Variants in ZNF507 observed in about 807,000 individuals in gnomAD.
The protein encoded by ZNF507 is zinc finger protein 507.
In ZNF507, 29 loss-of-function variants were observed where a neutral mutation model predicts 80.0. The ratio of observed to expected loss-of-function variants is 0.36; its 90% confidence interval spans 0.27 to 0.49. ZNF507 has a LOEUF of 0.49. ZNF507 is among the 20% of genes least tolerant of loss of function. The probability of loss-of-function intolerance (pLI) is 0.98; values close to 1 mark genes in which losing one functional copy is unlikely to be tolerated. For missense variants in ZNF507, 1,081 were observed against 1,152.2 expected, an observed-to-expected ratio of 0.94 and a Z score of 0.90; for synonymous variants, 462 against 422.5, an observed-to-expected ratio of 1.09 and a Z score of -1.15.
chr19:32,353,619 G>A lies in ZNF507; in HGVS notation c.789G>A (p.Leu263=). Residue 263 remains leucine (L), a synonymous_variant, in exon 3 of 7, where the codon TTG becomes TTA. Coordinates refer to ENST00000355898, the MANE Select transcript of ZNF507 (RefSeq NM_001136156.2). Reference sequence around the variant, plus strand: ...ATACTTGTGGCCAGCAGAGAATGTTGAAAACACACGCTTGGAAACATGCTG... The same window carrying A: ...ATACTTGTGGCCAGCAGAGAATGTTAAAAACACACGCTTGGAAACATGCTG... ...CSYTCGQQRM[L]KTHAWKHAGE... 6.2e-7 allele frequency: 1 copy of A among 1,614,198 alleles called. No individual in the cohort carries two copies.
rs757485503 is a variant in ZNF507, at chr19:32,384,576, G to A, written c.*1493G>A. ...AACTTGGAACACTGTAAAGGTTTTCGAATGGGATACGCTGTAGGCACGTTT... is the reference window on the plus strand; with the variant it reads ...AACTTGGAACACTGTAAAGGTTTTCAAATGGGATACGCTGTAGGCACGTTT... On this transcript the variant is annotated 3_prime_UTR_variant, in exon 7 of 7. Coordinates refer to ENST00000355898, the MANE Select transcript of ZNF507 (RefSeq NM_001136156.2). 1 of 152,098 alleles carries A rather than the reference G, an allele frequency of 6.6e-6. No homozygotes were observed. Among genetic ancestry groups the A allele is most frequent in the African/African-American group, 2.4e-5 (1 of 41,394 alleles). The allele number at this position is 152,098 out of a possible 1,614,324, so 9.4% of individuals were successfully genotyped here. A position where few individuals can be genotyped will look rare whatever the true frequency, so the allele number is the denominator to read the frequency against.
intron 2 of ZNF507, 56 bp from the exon 3 acceptor site, chr19:32,352,773 A>C (rs964678300): frequency 9.6e-6 from 14 of 1,456,052 alleles, no homozygotes; most frequent in Non-Finnish European, 1.3e-5. Flanking sequence ...TCCAAATTAC[A>C]TGCCTGTAAT....
chr19:32,349,898 C>G (rs2145312273), intron 2 of ZNF507, among the ~76,000 whole-genome samples: 1 of 152,332 alleles, frequency 6.6e-6, no homozygotes, highest in Middle Eastern at 3.4e-3. Context: ...ATCCTATCCA[C>G]CCCACCACTG....
At chr19:32,371,733 A>C (rs1255260566) in intron 5 of ZNF507, among the ~76,000 whole-genome samples, 1 of 146,910 alleles carries the variant, frequency 6.8e-6, no homozygotes, top group Non-Finnish European at 1.5e-5. Context: ...TCTGCCTCCC[A>C]GGTTCACGCC....
chr19:32,378,029 T>C (rs1372452369), intron 5 of ZNF507, among the ~76,000 whole-genome samples: 1 of 152,030 alleles, frequency 6.6e-6, no homozygotes, highest in Non-Finnish European at 1.5e-5. Flanking sequence ...ATCTGACCCA[T>C]GTTCCTCAGA....
intron 3 of ZNF507, among the ~76,000 whole-genome samples, chr19:32,355,922 C>T (rs749265472): frequency 1.3e-5 from 2 of 152,090 alleles, no homozygotes; most frequent in African/African-American, 2.4e-5. Flanking sequence ...TGGCCTGAAC[C>T]TGGGAGGCGG....
chr19:32,367,059 T>A (rs1730663763), intron 5 of ZNF507, among the ~76,000 whole-genome samples: 1 of 152,214 alleles, frequency 6.6e-6, no homozygotes, highest in Non-Finnish European at 1.5e-5. Flanking sequence ...GAGGTTTATT[T>A]GGCTTATGGT....
chr19:32,363,767 TA>T (rs1967361122), intron 5 of ZNF507, among the ~76,000 whole-genome samples: 1 of 152,240 alleles, frequency 6.6e-6, no homozygotes, highest in Non-Finnish European at 1.5e-5. Flanking sequence ...TGATGACCTC[TA>T]AACACTAGGG....
chr19:32,373,761 C>G (rs554458532), intron 5 of ZNF507, among the ~76,000 whole-genome samples: 3 of 152,326 alleles, frequency 2.0e-5, no homozygotes, highest in African/African-American at 7.2e-5. Context: ...ACATGTATGT[C>G]TAATTTTGCT....
At position 32,386,631 on chromosome 19, in the gene ZNF507, A is replaced by G. The variant is rs1967693461; in HGVS notation, c.*3548A>G. Reference sequence around the variant, plus strand: ...AGGATGATTTGCATTTTGTAAAATTATCCTGCACATCAAGCTGCATGCCTT... The same window carrying G: ...AGGATGATTTGCATTTTGTAAAATTGTCCTGCACATCAAGCTGCATGCCTT... On this transcript the variant is annotated 3_prime_UTR_variant, in exon 7 of 7. Transcript: ENST00000355898. The G allele has an allele frequency of 6.6e-6, 1 of 152,660 alleles. No individual in the cohort carries two copies. The highest frequency in any genetic ancestry group is 2.4e-5 in the African/African-American group (1 of 41,458). 9.5% of individuals were successfully genotyped at this position (152,660 alleles called of 1,614,324 possible). A position where few individuals can be genotyped will look rare whatever the true frequency, so the allele number is the denominator to read the frequency against.
Position 32,382,778 on chromosome 19 carries a change from G to T in ZNF507, c.2557G>T (p.Val853Phe). The change falls in exon 7 of 7, where the codon GTC (valine) becomes TTC (phenylalanine). Residue 853 changes from valine to phenylalanine, a missense_variant. Around this residue, in one of 6 missense-constraint regions of ZNF507, gnomAD observed 138 missense variants for 158.4 expected, o/e 0.87. Coordinates refer to ENST00000355898, the MANE Select transcript of ZNF507 (RefSeq NM_001136156.2). ...GAGCAGTGAAGAGAGTGCAGATCCCGTCACTGGAAGTTCAGAAAATGCAGT... is the reference window on the plus strand; with the variant it reads ...GAGCAGTGAAGAGAGTGCAGATCCCTTCACTGGAAGTTCAGAAAATGCAGT... The part of the protein sequence containing the change: ...LKSSEESADP[V>F]TGSSENAVSS... The T allele has an allele frequency of 1.2e-6, 2 of 1,614,028 alleles. No homozygotes were observed. Among genetic ancestry groups the T allele is most frequent in the African/African-American group, 2.7e-5 (2 of 74,998 alleles).
rs576768135 is a variant in ZNF507, at chr19:32,367,744, A to G, written c.2360+7126A>G. ...TATGGCACTAAAGCTAAAAAAATCTAAACAGAAAACATTCCAGAAAGGCTT... is the reference window on the plus strand; with the variant it reads ...TATGGCACTAAAGCTAAAAAAATCTGAACAGAAAACATTCCAGAAAGGCTT... On this transcript the variant is annotated intron_variant, in intron 5 of 6. Coordinates refer to ENST00000355898, the MANE Select transcript of ZNF507 (RefSeq NM_001136156.2). 9.2e-5 allele frequency among the ~76,000 whole-genome samples: 14 copies of G among 152,364 alleles called. No individual in the cohort carries two copies. In the South Asian group the frequency reaches 2.3e-3, roughly 25 times the overall value.
In ZNF507 at chr19:32,353,676, A is replaced by G. The variant is rs575915528; in HGVS notation, c.846A>G (p.Glu282=). Residue 282 remains glutamate, a synonymous_variant, in exon 3 of 7, where the codon GAA becomes GAG. Transcript: ENST00000355898. Reference sequence around the variant, plus strand: ...TTGATTGCTCCTATCCAATCTTTGAAAATGAAAATGAACCCCTAGGCCTGC... The same window carrying G: ...TTGATTGCTCCTATCCAATCTTTGAGAATGAAAATGAACCCCTAGGCCTGC... The part of the protein sequence containing the change: ...GEVDCSYPIF[E]NENEPLGLLD... 3.7e-6 allele frequency: 6 copies of G among 1,614,168 alleles called. No homozygotes were observed. Among genetic ancestry groups the G allele is most frequent in the South Asian group, 3.3e-5 (3 of 91,088 alleles).
chr19:32,352,474 CT>C (rs34217641), intron 2 of ZNF507, among the ~76,000 whole-genome samples: 12 of 146,302 alleles, frequency 8.2e-5, no homozygotes, highest in East Asian at 2.0e-4. Flanking sequence ...GAATAGGAGT[CT>C]TTTTTTTTTT....
intron 4 of ZNF507, chr19:32,358,941 T>G (rs1367137463): frequency 6.6e-6 from 1 of 152,230 alleles, no homozygotes; most frequent in Non-Finnish European, 1.5e-5. Flanking sequence ...AAGCCCAAGT[T>G]TTTGAACTTT....
At chr19:32,367,143 G>T (rs1247400001) in intron 5 of ZNF507, among the ~76,000 whole-genome samples, 2 of 152,184 alleles carry the variant, frequency 1.3e-5, no homozygotes, top group Non-Finnish European at 2.9e-5. Context: ...AGCGGGAGCA[G>T]ATATGTCACA....
chr19:32,367,764 A>G (rs1020799251), intron 5 of ZNF507, among the ~76,000 whole-genome samples: 2 of 152,238 alleles, frequency 1.3e-5, no homozygotes, highest in Non-Finnish European at 2.9e-5. Flanking sequence ...CATTCCAGAA[A>G]GGCTTTCAGC....
At chr19:32,375,748 C>T (rs1967538234) in intron 5 of ZNF507, among the ~76,000 whole-genome samples, 1 of 152,102 alleles carries the variant, frequency 6.6e-6, no homozygotes, top group African/African-American at 2.4e-5. Context: ...CTTTGTTTAA[C>T]GATTTCCATA....
intron 4 of ZNF507, chr19:32,359,408 G>A (rs1292062432): frequency 6.6e-6 from 1 of 152,180 alleles, no homozygotes; most frequent in East Asian, 1.9e-4. Flanking sequence ...GTATACAGGT[G>A]TTCTACCTAA....
Sources: allele counts gnomAD v4.1 joint callset (sites outside exome capture counted in the v4.1 genomes callset), GRCh38; gene constraint gnomAD v4.1.1; regional missense constraint gnomAD v4.1.1; transcripts MANE v1.5; gene names NCBI Gene and HGNC (gene_info 2026-07-23, HGNC 2026-07-21).